The following TEX11 variants were observed in gnomAD, a reference collection of about 807,000 sequenced individuals.
The protein encoded by TEX11 is testis-expressed protein 11.
A neutral mutation model predicts 84.4 loss-of-function variants in TEX11; 7 were observed. The ratio of observed to expected loss-of-function variants is 0.08; its 90% confidence interval spans 0.05 to 0.16. The LOEUF (loss-of-function observed/expected upper bound fraction) is 0.16, where lower values mean the gene tolerates loss of function less well. TEX11 is among the 10% of genes least tolerant of loss of function. The pLI is 1.00. For synonymous variants in TEX11, 264 were observed against 222.8 expected, an observed-to-expected ratio of 1.18 and a Z score of -1.64; for missense variants, 551 against 660.5, an observed-to-expected ratio of 0.83 and a Z score of 1.82.
At chrX:70,883,225 C>T (rs778502040) in intron 2 of TEX11, among the ~76,000 whole-genome samples, 6 of 111,471 alleles carry the variant, frequency 5.4e-5, no homozygotes, top group Non-Finnish European at 1.1e-4. Flanking sequence ...CTTAAGTGAT[C>T]CTCCCATCCA....
rs908059698 is a variant in TEX11 at position 70,741,088 on chromosome X, C to T, written c.748-292G>A. ...CAGTATTTAACGTATTTTATCATCC[C>T]CCCTTTTAAAATAAGGAAACTGAGG... On this transcript the variant is annotated intron_variant, in intron 10 of 29. Transcript: ENST00000374333. Among the ~76,000 whole-genome samples, 7 of 110,698 alleles carry T rather than the reference C, an allele frequency of 6.3e-5. No homozygotes were observed. In the East Asian group the frequency reaches 2.0e-3, roughly 31 times the overall value.
intron 8 of TEX11, among the ~76,000 whole-genome samples, chrX:70,808,800 T>C (rs2091235983): frequency 9.0e-6 from 1 of 111,476 alleles, no homozygotes. Flanking sequence ...AGAATCTAAC[T>C]GATGTTTTCA....
intron 13 of TEX11, among the ~76,000 whole-genome samples, chrX:70,714,720 C>A (rs1163398789): frequency 9.0e-6 from 1 of 111,507 alleles, no homozygotes; most frequent in African/African-American, 3.3e-5. Flanking sequence ...GAATACAGCA[C>A]ACTGATGGGT....
intron 20 of TEX11, among the ~76,000 whole-genome samples, chrX:70,616,457 A>C (rs2089318545): frequency 8.9e-6 from 1 of 112,042 alleles, no homozygotes; most frequent in Non-Finnish European, 1.9e-5. Flanking sequence ...TACACACACA[A>C]AAAAACAAAG....
intron 9 of TEX11, among the ~76,000 whole-genome samples, chrX:70,757,860 C>T (rs949037015): frequency 9.0e-6 from 1 of 111,294 alleles, no homozygotes; most frequent in Non-Finnish European, 1.9e-5. Context: ...CATCATTGTG[C>T]TGTATTCAGG....
chrX:70,583,539 T>C (rs1218009999), intron 25 of TEX11, among the ~76,000 whole-genome samples: 3 of 112,495 alleles, frequency 2.7e-5, no homozygotes, highest in Non-Finnish European at 5.6e-5. Context: ...TGACTCCATA[T>C]CATTGCAACT....
At chrX:70,638,741 C>T (rs1317477613) in intron 17 of TEX11, among the ~76,000 whole-genome samples, 2 of 94,615 alleles carry the variant, frequency 2.1e-5, no homozygotes, top group African/African-American at 4.0e-5. Context: ...GTGGAGGTTG[C>T]AGTGAGCCAA....
the TEX11 span, among the ~76,000 whole-genome samples, chrX:70,516,545 C>A: frequency 8.9e-6 from 1 of 111,828 alleles, no homozygotes; most frequent in East Asian, 2.8e-4. Flanking sequence ...AGTTTGAAGT[C>A]AGGTAGCGTG....
chrX:70,599,765 C>T (rs1392000664), intron 24 of TEX11, among the ~76,000 whole-genome samples: 3 of 103,599 alleles, frequency 2.9e-5, no homozygotes, highest in East Asian at 3.1e-4. Context: ...TGAGAATATG[C>T]GGTGTTTGGT....
At chrX:70,616,007 A>G (rs2089313389) in intron 20 of TEX11, among the ~76,000 whole-genome samples, 1 of 111,716 alleles carries the variant, frequency 9.0e-6, no homozygotes, top group South Asian at 3.8e-4. Context: ...TCAACACCAG[A>G]CCTGTCCTAA....
intron 17 of TEX11, among the ~76,000 whole-genome samples, chrX:70,632,605 C>T (rs1287371823): frequency 1.8e-5 from 2 of 111,014 alleles, no homozygotes; most frequent in Non-Finnish European, 3.8e-5. Context: ...AAAAACAAAA[C>T]TGATAGAGAA....
intron 13 of TEX11, among the ~76,000 whole-genome samples, chrX:70,686,849 G>T (rs767853457): frequency 7.6e-4 from 84 of 111,024 alleles, no homozygotes; most frequent in South Asian, 1.9e-3. Flanking sequence ...CAAATTAACC[G>T]AGTCTTGTAT....
At chrX:70,676,821 C>T (rs980022082) in intron 15 of TEX11, among the ~76,000 whole-genome samples, 3 of 111,586 alleles carry the variant, frequency 2.7e-5, no homozygotes, top group Non-Finnish European at 5.6e-5. Flanking sequence ...GCTATAACTT[C>T]AAATTCATCA....
intron 15 of TEX11, among the ~76,000 whole-genome samples, chrX:70,671,910 T>TATATATATATATACACACAC (rs57166359): frequency 1.5e-5 from 1 of 67,983 alleles, no homozygotes; most frequent in Non-Finnish European, 2.8e-5. Context: ...TATATATATA[T>TATATATATATATACACACAC]ACACACACAC....
intron 9 of TEX11, among the ~76,000 whole-genome samples, chrX:70,745,926 A>G (rs1186674428): frequency 9.0e-6 from 1 of 111,158 alleles, no homozygotes; most frequent in Non-Finnish European, 1.9e-5. Flanking sequence ...GAACTTCTGC[A>G]ATGGTGATAT....
intron 8 of TEX11, among the ~76,000 whole-genome samples, chrX:70,824,338 C>A (rs1298369709): frequency 1.8e-5 from 2 of 112,187 alleles, no homozygotes; most frequent in Non-Finnish European, 3.8e-5. Context: ...GCTTGAATTG[C>A]TCAGAGAAAG....
At chrX:70,668,363 C>T (rs755455668) in intron 16 of TEX11, among the ~76,000 whole-genome samples, 13 of 111,896 alleles carry the variant, frequency 1.2e-4, no homozygotes, top group Non-Finnish European at 2.3e-4. Context: ...TAGACACTGG[C>T]GAGGTGGGAT....
intron 8 of TEX11, among the ~76,000 whole-genome samples, chrX:70,809,608 C>T (rs180817304): frequency 5.9e-4 from 66 of 111,836 alleles, no homozygotes; most frequent in African/African-American, 2.1e-3. Context: ...ACAAAAAGAG[C>T]CAACTAAAAT....
chrX:70,594,913 C>T (rs775456188), intron 24 of TEX11, among the ~76,000 whole-genome samples: 27 of 111,119 alleles, frequency 2.4e-4, no homozygotes, highest in African/African-American at 7.5e-4. Flanking sequence ...TCAATTAAAC[C>T]GCTTTCCTTT....
Sources: gnomAD v4.1 joint callset for allele counts (sites outside exome capture counted in the v4.1 genomes callset) on GRCh38, gnomAD v4.1.1 for gene constraint, MANE v1.5 for transcripts, NCBI Gene and HGNC (gene_info 2026-07-23, HGNC 2026-07-21) for gene names.